RGS7: variants seen among roughly 807,000 people sequenced by gnomAD.
RGS7 encodes regulator of G protein signaling 7.
RGS7 carries 27 observed loss-of-function variants against 81.1 expected under a neutral mutation model. The observed-to-expected ratio is 0.33, with a 90% CI of 0.25 to 0.46. The LOEUF is 0.46. Ranked by LOEUF, RGS7 falls within the 20% of genes least tolerant of loss-of-function variation. RGS7 has a pLI of 1.00. For synonymous variants in RGS7, 208 were observed against 207.7 expected (o/e 1.00, Z -0.01); for missense variants, 396 against 607.4 (o/e 0.65, Z 3.66).
chr1:241,304,658 G>C (rs1235642604), intron 2 of RGS7, among the ~76,000 whole-genome samples: 4 of 152,162 alleles, frequency 2.6e-5, no homozygotes, highest in Non-Finnish European at 5.9e-5. Context: ...AAAGCTCTGA[G>C]TTATATACTT....
intron 2 of RGS7, among the ~76,000 whole-genome samples, chr1:241,346,857 C>G (rs1245267937): frequency 6.6e-6 from 1 of 152,038 alleles, no homozygotes; most frequent in Non-Finnish European, 1.5e-5. Flanking sequence ...AAATTTAGAA[C>G]CAGTGACAAA....
At chr1:241,035,316 C>T (rs1303953789) in intron 3 of RGS7, among the ~76,000 whole-genome samples, 1 of 151,134 alleles carries the variant, frequency 6.6e-6, no homozygotes, top group Admixed American at 6.6e-5. Flanking sequence ...TGGAAGAATG[C>T]AGGGATGCAA....
In RGS7 at chr1:241,192,481, T is replaced by G. The variant is rs151125723; in HGVS notation, c.79-93719A>C. On this transcript the variant is annotated intron_variant, in intron 2 of 18. Coordinates refer to ENST00000440928, the MANE Select transcript of RGS7 (RefSeq NM_001364886.1). ...TATATTTTATGTATAATGTTCAGAA[T>G]TTTTACTTAGTGGGATGAAAAGGCA... Among the ~76,000 whole-genome samples the G allele has an allele frequency of 5.2e-3, 784 of 152,174 alleles. 20 individuals carry two copies. Among genetic ancestry groups the G allele is most frequent in the African/African-American group, 0.018 (747 of 41,506 alleles).
At chr1:240,835,527 T>A (rs2147851025) in intron 9 of RGS7, among the ~76,000 whole-genome samples, 1 of 152,312 alleles carries the variant, frequency 6.6e-6, no homozygotes, top group South Asian at 2.1e-4. Flanking sequence ...GCAAGACGGT[T>A]TGGCAGTTTC....
chr1:240,913,775 C>G (rs1672137534), intron 6 of RGS7, among the ~76,000 whole-genome samples: 1 of 151,516 alleles, frequency 6.6e-6, no homozygotes, highest in South Asian at 2.1e-4. Flanking sequence ...TATCCCAGAG[C>G]ATCTGTAATT....
intron 2 of RGS7, among the ~76,000 whole-genome samples, chr1:241,176,177 T>G (rs552350690): frequency 1.3e-5 from 2 of 152,260 alleles, no homozygotes; most frequent in East Asian, 1.9e-4. Context: ...GACTTCCTTT[T>G]AAGTACAATA....
intron 2 of RGS7, among the ~76,000 whole-genome samples, chr1:241,169,336 CTTTTTTTTTTT>C (rs57753661): frequency 1.3e-5 from 1 of 74,274 alleles, no homozygotes; most frequent in Admixed American, 2.0e-4. Context: ...ATGTGTGTTT[CTTTTTTTTTTT>C]TTTTTTTTTT....
intron 2 of RGS7, among the ~76,000 whole-genome samples, chr1:241,123,442 G>A (rs2066427977): frequency 6.6e-6 from 1 of 152,082 alleles, no homozygotes; most frequent in African/African-American, 2.4e-5. Flanking sequence ...ATCACTCAAA[G>A]GCTCAGGGGC....
At chr1:240,948,702 C>T (rs916747398) in intron 4 of RGS7, among the ~76,000 whole-genome samples, 4 of 151,986 alleles carry the variant, frequency 2.6e-5, no homozygotes, top group African/African-American at 9.7e-5. Context: ...CTCAGTCTCC[C>T]AAAGTGCTGG....
intron 2 of RGS7, among the ~76,000 whole-genome samples, chr1:241,129,746 TG>T (rs2066943476): frequency 6.6e-6 from 1 of 151,960 alleles, no homozygotes; most frequent in African/African-American, 2.4e-5. Flanking sequence ...AGGTATAGGG[TG>T]GGGCCCACGA....
chr1:240,896,358 C>T (rs1207778050), intron 6 of RGS7, among the ~76,000 whole-genome samples: 1 of 152,152 alleles, frequency 6.6e-6, no homozygotes, highest in Non-Finnish European at 1.5e-5. Context: ...AGTCCTCGCC[C>T]ACGCCTATGT....
At chr1:240,893,576 ATCT>A (rs1668593419) in intron 6 of RGS7, among the ~76,000 whole-genome samples, 2 of 152,166 alleles carry the variant, frequency 1.3e-5, no homozygotes, top group Middle Eastern at 3.4e-3. Flanking sequence ...TATTAGAAAA[ATCT>A]TCATGATGCT....
At position 240,868,581 on chromosome 1, in the gene RGS7, G is replaced by A. The variant is rs1184277674; in HGVS notation, c.609+6C>T. 1 of 1,613,580 alleles carries A rather than the reference G, an allele frequency of 6.2e-7. No homozygotes were observed. Among genetic ancestry groups the A allele is most frequent in the African/African-American group, 1.3e-5 (1 of 74,900 alleles). ...GATTCAAGACGAGAGTGCGACGCTT[G>A]CTTACCACGGGCCTGTGCACGTCCC... On this transcript the variant is annotated splice_donor_region_variant and intron_variant, in intron 9 of 18. Transcript: ENST00000440928. The surrounding 1 kb of genome is among the most constrained non-coding windows in gnomAD (Gnocchi z 5.1).
chr1:241,269,535 C>T (rs1350997572), intron 2 of RGS7, among the ~76,000 whole-genome samples: 2 of 152,098 alleles, frequency 1.3e-5, no homozygotes, highest in East Asian at 3.8e-4. Flanking sequence ...AGAATAACTG[C>T]CAGAAGTGTG....
In RGS7 at chr1:240,793,586, A is replaced by AATATATATATATATAT. The variant is rs777839011; in HGVS notation, c.*6+7039_*6+7054dup. 1.2e-3 allele frequency among the ~76,000 whole-genome samples: 125 copies of AATATATATATATATAT among 102,236 alleles called. 4 individuals are homozygous for AATATATATATATATAT. The highest frequency in any genetic ancestry group is 4.4e-3 in the African/African-American group (70 of 15,976). The allele number at this position is 102,236 out of a possible 152,430, so 67.1% of individuals were successfully genotyped here. A position where few individuals can be genotyped will look rare whatever the true frequency, so the allele number is the denominator to read the frequency against. Reference sequence around the variant, plus strand: ...TTATTTTCACTGAAGGTGTAGTAGGAATATATATATATATATATATATATA... The same window carrying AATATATATATATATAT: ...TTATTTTCACTGAAGGTGTAGTAGGAATATATATATATATATATATATATATATATATATATATATA... On this transcript the variant is annotated intron_variant, in intron 18 of 18. Transcript: ENST00000440928.
chr1:240,920,002 A>T, intron 6 of RGS7: 4 of 1,301,352 alleles, frequency 3.1e-6, no homozygotes, highest in Non-Finnish European at 4.4e-6. Context: ...GACACAGAAG[A>T]ACATCACCTA....
intron 18 of RGS7, among the ~76,000 whole-genome samples, chr1:240,777,155 C>T (rs1261039287): frequency 2.6e-5 from 4 of 152,080 alleles, no homozygotes; most frequent in Non-Finnish European, 5.9e-5. Flanking sequence ...ATAAGCCAGG[C>T]GTGGTGGCGG....
intron 2 of RGS7, among the ~76,000 whole-genome samples, chr1:241,297,758 T>C (rs898638681): frequency 6.6e-6 from 1 of 152,214 alleles, no homozygotes; most frequent in African/African-American, 2.4e-5. Context: ...AACTGGATGA[T>C]TTAAGTAGTT....
chr1:241,323,370 C>CTT (rs1255849257), intron 2 of RGS7, among the ~76,000 whole-genome samples: 3 of 152,352 alleles, frequency 2.0e-5, no homozygotes, highest in Non-Finnish European at 4.4e-5. Flanking sequence ...AGGCGCCTGT[C>CTT]AGCGCCTGTG....
Sources: gnomAD v4.1 joint callset for allele counts (sites outside exome capture counted in the v4.1 genomes callset) on GRCh38, gnomAD v4.1.1 for gene constraint, Gnocchi (gnomAD v3.1) non-coding constraint, MANE v1.5 for transcripts, NCBI Gene and HGNC (gene_info 2026-07-23, HGNC 2026-07-21) for gene names.